SPAG9: variants seen among roughly 807,000 people sequenced by gnomAD.
The protein encoded by SPAG9 is C-Jun-amino-terminal kinase-interacting protein 4.
In SPAG9, 35 loss-of-function variants were observed where a neutral mutation model predicts 166.5. The ratio of observed to expected loss-of-function variants is 0.21; its 90% CI spans 0.16 to 0.28. SPAG9 has a LOEUF of 0.28. SPAG9 is among the 10% of genes least tolerant of loss of function. The pLI is 1.00. For missense variants in SPAG9, 1,235 were observed against 1,603.3 expected (o/e 0.77, Z 3.92); for synonymous variants, 534 against 565.5 (o/e 0.94, Z 0.79).
chr17:51,061,622 A>C (rs1468030870), intron 2 of SPAG9, among the ~76,000 whole-genome samples: 5 of 150,680 alleles, frequency 3.3e-5, no homozygotes, highest in Admixed American at 6.6e-5. Flanking sequence ...CAAAAAAAAA[A>C]AAAAAAAAAA....
chr17:50,999,546 TAA>T (rs61490626), intron 14 of SPAG9, 113 bp downstream of exon 14: 4,249 of 1,229,382 alleles, frequency 3.5e-3, no homozygotes, highest in Admixed American at 4.8e-3. Flanking sequence ...ACCCCTAGTT[TAA>T]AAAAAAAAAA....
chr17:51,077,628 A>G (rs2048054335), intron 2 of SPAG9, among the ~76,000 whole-genome samples: 1 of 151,980 alleles, frequency 6.6e-6, no homozygotes, highest in African/African-American at 2.4e-5. Flanking sequence ...TGTGGAGTCC[A>G]TCATGCAGTC....
At position 51,051,089 on chromosome 17, in the gene SPAG9, G is replaced by A. The variant is rs557113444; in HGVS notation, c.496-3620C>T. On this transcript the variant is annotated intron_variant, in intron 3 of 29. Transcript: ENST00000262013. ...GGAGGGAGGGAGGGAAAAGAAAAAT[G>A]TCTAGTGGAACTAAAGGTGTAGTGT... Among the ~76,000 whole-genome samples the A allele has an allele frequency of 8.6e-5, 13 of 151,904 alleles. No individual in the cohort carries two copies. In the South Asian group the frequency reaches 2.1e-3, roughly 24 times the overall value.
intron 21 of SPAG9, among the ~76,000 whole-genome samples, chr17:50,988,253 C>T (rs548550839): frequency 6.6e-6 from 1 of 152,084 alleles, no homozygotes; most frequent in South Asian, 2.1e-4. Context: ...CCCATTTATG[C>T]CGGAGGTTGC....
intron 2 of SPAG9, among the ~76,000 whole-genome samples, chr17:51,076,570 T>C (rs1364453357): frequency 6.6e-6 from 1 of 152,000 alleles, no homozygotes; most frequent in African/African-American, 2.4e-5. Flanking sequence ...ACTCCATCTC[T>C]ACTAAAAATA....
intron 6 of SPAG9, among the ~76,000 whole-genome samples, chr17:51,029,820 A>C (rs978783480): frequency 6.6e-6 from 1 of 152,220 alleles, no homozygotes; most frequent in Non-Finnish European, 1.5e-5. Flanking sequence ...TGCAAGATGA[A>C]AAAGCTCTGG....
At chr17:51,093,950 A>T (rs1329416669) in intron 1 of SPAG9, among the ~76,000 whole-genome samples, 1 of 152,092 alleles carries the variant, frequency 6.6e-6, no homozygotes, top group African/African-American at 2.4e-5. Flanking sequence ...TTAGACTAGG[A>T]ACACTCTAGG....
intron 6 of SPAG9, among the ~76,000 whole-genome samples, chr17:51,025,489 A>C (rs2046129447): frequency 6.6e-6 from 1 of 151,460 alleles, no homozygotes; most frequent in South Asian, 2.1e-4. Flanking sequence ...AAAAACTGAC[A>C]GTATTTAACA....
intron 1 of SPAG9, among the ~76,000 whole-genome samples, chr17:51,094,152 G>A (rs555388361): frequency 2.0e-5 from 3 of 152,138 alleles, no homozygotes; most frequent in Non-Finnish European, 4.4e-5. Flanking sequence ...GTGTCTCTAC[G>A]AAAGGACCAT....
chr17:50,998,607 G>A lies in SPAG9; in HGVS notation c.1675C>T (p.Leu559Phe). The change falls in exon 15 of 30, where the codon CTT becomes TTT. Residue 559 changes from leucine to phenylalanine, a missense_variant. Physicochemically the swap from Leu to Phe is conservative, Grantham distance 22 (BLOSUM62 0). Coordinates refer to ENST00000262013, the MANE Select transcript of SPAG9 (RefSeq NM_001130528.3). ...RSSIWQFFSR[L>F]FSSSSNTTKK... ...GTCGTGTTACTTGAGGAGCTGAAAA[G>A]TCGGCTGAAACTAAAAGAAGACAGT... 2 of 1,614,022 alleles carry A rather than the reference G, an allele frequency of 1.2e-6. No homozygotes were observed. The highest frequency in any genetic ancestry group is 1.7e-6 in the Non-Finnish European group (2 of 1,179,932).
intron 1 of SPAG9, among the ~76,000 whole-genome samples, chr17:51,092,876 T>A (rs1428288244): frequency 6.6e-6 from 1 of 151,986 alleles, no homozygotes; most frequent in Non-Finnish European, 1.5e-5. Flanking sequence ...AGTTCTAAGC[T>A]GCAGTGAGCT....
intron 18 of SPAG9, 31 bp downstream of exon 18, chr17:50,995,026 A>C (rs1379658206): frequency 1.3e-6 from 2 of 1,566,712 alleles, no homozygotes; most frequent in East Asian, 2.2e-5. Flanking sequence ...TAGTCTCATA[A>C]ACCAGGTCAA....
intron 5 of SPAG9, among the ~76,000 whole-genome samples, chr17:51,035,850 A>G (rs1031167358): frequency 6.6e-6 from 1 of 152,164 alleles, no homozygotes; most frequent in African/African-American, 2.4e-5. Context: ...CTCTTCAAAG[A>G]AAAAAATACT....
intron 3 of SPAG9, among the ~76,000 whole-genome samples, chr17:51,053,852 AAAGTATATATATATATATATAT>A (rs1479216047): frequency 4.1e-5 from 2 of 49,330 alleles, no homozygotes; most frequent in South Asian, 5.8e-4. Flanking sequence ...AAAAAAAAAA[AAAGTATATATATATATATATAT>A]ATATATATAT....
intron 1 of SPAG9, among the ~76,000 whole-genome samples, chr17:51,082,866 A>G (rs934490509): frequency 5.3e-5 from 8 of 152,010 alleles, no homozygotes; most frequent in Non-Finnish European, 1.0e-4. Flanking sequence ...TTCTCTCTCC[A>G]GTTTCATGCT....
In SPAG9 at chr17:51,112,671, C is replaced by CAAAAAAAA. The variant is rs1206604151; in HGVS notation, c.303+7675_303+7682dup. 7.2e-5 allele frequency among the ~76,000 whole-genome samples: 3 copies of CAAAAAAAA among 41,402 alleles called. 1 individual carries two copies. The highest frequency in any genetic ancestry group is 1.8e-4 in the African/African-American group (3 of 16,416). The allele number at this position is 41,402 out of a possible 152,430, so 27.2% of individuals were successfully genotyped here. A position where few individuals can be genotyped will look rare whatever the true frequency, so the allele number is the denominator to read the frequency against. On this transcript the variant is annotated intron_variant, in intron 1 of 29. Coordinates refer to ENST00000262013, the MANE Select transcript of SPAG9 (RefSeq NM_001130528.3). Reference sequence around the variant, plus strand: ...GCGACAGAGCCAGACTCTGTCTCAACAAAAAAAAAAAAAAAAAAAAAAAAA... The same window carrying CAAAAAAAA: ...GCGACAGAGCCAGACTCTGTCTCAACAAAAAAAAAAAAAAAAAAAAAAAAAAAAAAAAA...
intron 2 of SPAG9, among the ~76,000 whole-genome samples, chr17:51,072,300 G>A (rs1371285977): frequency 6.0e-5 from 9 of 149,090 alleles, no homozygotes; most frequent in African/African-American, 2.2e-4. Flanking sequence ...TTGAACTCCT[G>A]ACCTGAGGTG....
At chr17:51,013,931 CAT>C (rs2045595357) in intron 9 of SPAG9, among the ~76,000 whole-genome samples, 2 of 151,940 alleles carry the variant, frequency 1.3e-5, no homozygotes, top group African/African-American at 2.4e-5. Flanking sequence ...CACACACACA[CAT>C]CACCATGTTC....
intron 29 of SPAG9, among the ~76,000 whole-genome samples, chr17:50,968,592 G>T (rs1319479646): frequency 4.6e-5 from 7 of 152,162 alleles, no homozygotes; most frequent in African/African-American, 1.7e-4. Context: ...TTAACCAGGC[G>T]TGGTGGCACA....
Sources: gnomAD v4.1 joint callset for allele counts (sites outside exome capture counted in the v4.1 genomes callset) on GRCh38, gnomAD v4.1.1 for gene constraint, MANE v1.5 for transcripts, NCBI Gene and HGNC (gene_info 2026-07-23, HGNC 2026-07-21) for gene names.